INSR: variants seen among roughly 807,000 people sequenced by gnomAD.
INSR encodes the protein insulin receptor.
INSR carries 67 observed loss-of-function variants against 142.6 expected under a neutral mutation model. That is an observed-to-expected ratio of 0.47 (90% CI 0.39 to 0.58). The LOEUF (loss-of-function observed/expected upper bound fraction) is 0.58. Ranked by LOEUF, INSR falls within the 20% of genes least tolerant of loss-of-function variation. INSR has a pLI of 0.00. For missense variants in INSR, 1,248 were observed against 1,833.2 expected (o/e 0.68, Z 5.83); for synonymous variants, 756 against 743.1 (o/e 1.02, Z -0.28).
In INSR at chr19:7,280,124, C is replaced by T. The variant is rs996460662; in HGVS notation, c.101-12228G>A. ...ACTAAAAATACAAAAATTAGCCGGG[C>T]GTGGTGGCAGGCGCCTGTAGTCCCA... On this transcript the variant is annotated intron_variant, in intron 1 of 21. Transcript: ENST00000302850. Among the ~76,000 whole-genome samples, 235 of 150,062 alleles carry T rather than the reference C, an allele frequency of 1.6e-3. 1 individual carries two copies. The highest frequency in any genetic ancestry group is 5.6e-3 in the African/African-American group (227 of 40,674).
At chr19:7,235,971 C>CTT (rs34478636) in intron 2 of INSR, among the ~76,000 whole-genome samples, 21,637 of 129,778 alleles carry the variant, frequency 0.17, 1,991 homozygotes, top group South Asian at 0.28. Context: ...CTGGCCTTTC[C>CTT]TTTTTTTTTT....
At chr19:7,271,070 A>G (rs555278160) in intron 1 of INSR, among the ~76,000 whole-genome samples, 9 of 152,150 alleles carry the variant, frequency 5.9e-5, no homozygotes, top group African/African-American at 2.2e-4. Flanking sequence ...TCAAAAAAAA[A>G]ACAGAAAAAA....
In INSR at chr19:7,251,027, T is replaced by C. The variant is rs1361888722; in HGVS notation, c.652+16318A>G. On this transcript the variant is annotated intron_variant, in intron 2 of 21. Coordinates refer to ENST00000302850, the MANE Select transcript of INSR (RefSeq NM_000208.4). ...CCAGGCTTTCTGCCCCTCAGCACTA[T>C]TGACATTTGGGGCTGGATCATTCTT... is the stretch of plus-strand genomic sequence containing the variant. Among the ~76,000 whole-genome samples, 2 of 152,094 alleles carry C rather than the reference T, an allele frequency of 1.3e-5. 1 individual carries two copies. Among genetic ancestry groups the C allele is most frequent in the South Asian group, 4.1e-4 (2 of 4,832 alleles).
At chr19:7,163,337 GAT>G in intron 8 of INSR, 138 bp from the exon 9 acceptor site, 2 of 798,508 alleles carry the variant, frequency 2.5e-6, no homozygotes, top group Non-Finnish European at 4.4e-6. Context: ...AAGGCAGGCG[GAT>G]CACGAGGTCA....
chr19:7,278,838 A>G (rs1206405777), intron 1 of INSR, among the ~76,000 whole-genome samples: 4 of 152,292 alleles, frequency 2.6e-5, no homozygotes, highest in African/African-American at 9.6e-5. Flanking sequence ...TACTAAAAAT[A>G]CAAAAATGAG....
chr19:7,153,559 G>A (rs929755090), intron 9 of INSR, among the ~76,000 whole-genome samples: 1 of 142,868 alleles, frequency 7.0e-6, no homozygotes, highest in Non-Finnish European at 1.6e-5. Context: ...TTTGAGCTCC[G>A]CTTTGGAAAA....
At chr19:7,160,025 G>A (rs568820467) in intron 9 of INSR, among the ~76,000 whole-genome samples, 2 of 152,130 alleles carry the variant, frequency 1.3e-5, no homozygotes, top group Non-Finnish European at 2.9e-5. Context: ...TGGGCCCAGC[G>A]CAGTGGCTCA....
chr19:7,196,220 C>T (rs1278919692), intron 2 of INSR, among the ~76,000 whole-genome samples: 1 of 152,176 alleles, frequency 6.6e-6, no homozygotes, highest in Admixed American at 6.5e-5. Context: ...CAGGCATGAG[C>T]CACCACGCCT....
chr19:7,151,474 A>G (rs72990463), intron 10 of INSR, among the ~76,000 whole-genome samples: 5,165 of 148,598 alleles, frequency 0.035, 129 homozygotes, highest in Middle Eastern at 0.052. Flanking sequence ...TTTAGTAGAG[A>G]TAGGGTCTCA....
intron 6 of INSR, among the ~76,000 whole-genome samples, chr19:7,169,584 A>G (rs1244434647): frequency 6.6e-6 from 1 of 151,130 alleles, no homozygotes; most frequent in Non-Finnish European, 1.5e-5. Context: ...CCCAAAAAAA[A>G]AAAAAAAAAA....
In INSR at chr19:7,293,948, G is replaced by T. The variant is rs1038878728; in HGVS notation, c.-57C>A. 2.6e-6 allele frequency: 3 copies of T among 1,152,142 alleles called. No individual in the cohort carries two copies. Among genetic ancestry groups the T allele is most frequent in the African/African-American group, 1.6e-5 (1 of 61,328 alleles). 71.4% of individuals were successfully genotyped at this position (1,152,142 alleles called of 1,614,324 possible). ...GAGCGCGCGGCGCTGGCCCGCGGGG[G>T]TCATGCTCCGAGGCGGCCACCCAAG... On this transcript the variant is annotated 5_prime_UTR_variant, in exon 1 of 22. Coordinates refer to ENST00000302850, the MANE Select transcript of INSR (RefSeq NM_000208.4).
chr19:7,128,467 G>A (rs1418236741), intron 15 of INSR, among the ~76,000 whole-genome samples: 1 of 152,014 alleles, frequency 6.6e-6, no homozygotes. Context: ...ACCCGCCTTG[G>A]CCTCCCAAAG....
rs1278924279 is a variant in INSR at position 7,216,116 on chromosome 19, A to T, written c.653-31479T>A. Among the ~76,000 whole-genome samples, 1 of 151,962 alleles carries T rather than the reference A, an allele frequency of 6.6e-6. No homozygotes were observed. Among genetic ancestry groups the T allele is most frequent in the African/African-American group, 2.4e-5 (1 of 41,422 alleles). On this transcript the variant is annotated intron_variant, in intron 2 of 21. Transcript: ENST00000302850. The surrounding 1 kb of genome is among the most constrained non-coding windows in gnomAD (Gnocchi z 4.2). The stretch of plus-strand genomic sequence containing the variant: ...GGTGAGTGGACCACCTGAGGTCAGG[A>T]GTTCTAGATCAGCCTGACCAACATG...
chr19:7,175,749 C>T lies in INSR; in HGVS notation c.975-1018G>A, dbSNP rs562203771. 1.1e-4 allele frequency among the ~76,000 whole-genome samples: 16 copies of T among 151,882 alleles called. No homozygotes were observed. The South Asian group carries it at 2.9e-3, about 28-fold the overall frequency. On this transcript the variant is annotated intron_variant, in intron 3 of 21. Transcript: ENST00000302850. The stretch of plus-strand genomic sequence containing the variant: ...ACTCAGGAGGCTGAGGTAGGAGAAT[C>T]GCTTGAACCTGGGAGGCAGAGGTTG...
At chr19:7,284,253 T>A (rs781165840) in intron 1 of INSR, among the ~76,000 whole-genome samples, 2 of 151,776 alleles carry the variant, frequency 1.3e-5, no homozygotes, top group Non-Finnish European at 2.9e-5. Context: ...TTAGTAGAGA[T>A]GGGGTTTCAC....
At chr19:7,228,071 G>A (rs1975845299) in intron 2 of INSR, among the ~76,000 whole-genome samples, 1 of 152,096 alleles carries the variant, frequency 6.6e-6, no homozygotes, top group African/African-American at 2.4e-5. Context: ...CATGGGTCCT[G>A]CTCCCTAAGG....
chr19:7,196,397 T>C (rs1007203986), intron 2 of INSR, among the ~76,000 whole-genome samples: 25 of 152,192 alleles, frequency 1.6e-4, no homozygotes, highest in African/African-American at 3.6e-4. Flanking sequence ...ACGTAAACAA[T>C]TGATTGATCT....
At chr19:7,231,355 C>T (rs1383691623) in intron 2 of INSR, among the ~76,000 whole-genome samples, 8 of 141,400 alleles carry the variant, frequency 5.7e-5, no homozygotes, top group East Asian at 2.2e-4. Flanking sequence ...GGCTCTAGTG[C>T]GGTGGTGTGA....
At position 7,119,340 on chromosome 19, in the gene INSR, C is replaced by T. The variant is rs974368134; in HGVS notation, c.3794+109G>A. ...AAACACACCTGTAACATACAGCATGCAAACACGGTGAGCGTGTAGACATAG... is the reference window on the plus strand; with the variant it reads ...AAACACACCTGTAACATACAGCATGTAAACACGGTGAGCGTGTAGACATAG... On this transcript the variant is annotated intron_variant, in intron 21 of 21. Coordinates refer to ENST00000302850, the MANE Select transcript of INSR (RefSeq NM_000208.4). The surrounding 1 kb of genome is among the most constrained non-coding windows in gnomAD (Gnocchi z 5.2). 3.2e-6 allele frequency: 4 copies of T among 1,258,484 alleles called. No individual in the cohort carries two copies. The highest frequency in any genetic ancestry group is 4.7e-6 in the Non-Finnish European group (4 of 858,976). 78.0% of individuals were successfully genotyped at this position (1,258,484 alleles called of 1,614,324 possible).
Sources: allele counts gnomAD v4.1 joint callset (sites outside exome capture counted in the v4.1 genomes callset), GRCh38; gene constraint gnomAD v4.1.1; non-coding constraint Gnocchi (gnomAD v3.1); transcripts MANE v1.5; gene names NCBI Gene and HGNC (gene_info 2026-07-23, HGNC 2026-07-21).